Variants in GAP43 observed in about 807,000 individuals in gnomAD.
The protein encoded by GAP43 is neuromodulin.
In GAP43, 6 loss-of-function variants were observed where a neutral mutation model predicts 18.6. The ratio of observed to expected loss-of-function variants is 0.32; its 90% CI spans 0.18 to 0.64. The LOEUF (loss-of-function observed/expected upper bound fraction) is 0.64, where lower values mean the gene tolerates loss of function less well. Ranked by LOEUF, GAP43 falls within the 30% of genes least tolerant of loss-of-function variation. The pLI is 0.78. For missense variants in GAP43, 292 were observed against 295.5 expected (o/e 0.99, Z 0.09); for synonymous variants, 115 against 111.4 (o/e 1.03, Z -0.20).
chr3:115,683,134 TGCGCGC>T lies in GAP43; in HGVS notation c.628+6533_628+6538del, dbSNP rs1221666580. On this transcript the variant is annotated intron_variant, in intron 2 of 2. Transcript: ENST00000305124. ...TTCTCTACATACATGTGCGCGCGCGTGCGCGCGCGCGCGCACACACACACACACACA... is the reference window on the plus strand; with the variant it reads ...TTCTCTACATACATGTGCGCGCGCGTGCGCGCGCACACACACACACACACA... Among the ~76,000 whole-genome samples, 43 of 105,614 alleles carry T rather than the reference TGCGCGC, an allele frequency of 4.1e-4. 1 individual carries two copies. The highest frequency in any genetic ancestry group is 9.1e-4 in the South Asian group (3 of 3,280). 69.3% of individuals were successfully genotyped at this position (105,614 alleles called of 152,430 possible).
At chr3:115,636,498 G>T (rs1231546548) in intron 1 of GAP43, among the ~76,000 whole-genome samples, 1 of 151,930 alleles carries the variant, frequency 6.6e-6, no homozygotes, top group Non-Finnish European at 1.5e-5. Context: ...CCTCTCTTGT[G>T]CATCTAGATG....
At chr3:115,664,015 C>G in intron 1 of GAP43, 1 of 1,101,318 alleles carries the variant, frequency 9.1e-7, no homozygotes, top group Non-Finnish European at 1.3e-6. Context: ...TACTTAATTA[C>G]TTAACTAATG....
intron 1 of GAP43, among the ~76,000 whole-genome samples, chr3:115,670,345 C>T (rs1300187517): frequency 6.6e-6 from 1 of 151,348 alleles, no homozygotes; most frequent in Non-Finnish European, 1.5e-5. Flanking sequence ...TTTATGGCTG[C>T]ATAGTATTCC....
At chr3:115,663,142 G>A (rs1417211950) in intron 1 of GAP43, among the ~76,000 whole-genome samples, 1 of 152,092 alleles carries the variant, frequency 6.6e-6, no homozygotes, top group Non-Finnish European at 1.5e-5. Context: ...TAAATAATAT[G>A]ATACTTTCTG....
At chr3:115,693,487 A>AATTATT (rs142558403) in intron 2 of GAP43, among the ~76,000 whole-genome samples, 1 of 144,500 alleles carries the variant, frequency 6.9e-6, no homozygotes, top group East Asian at 1.9e-4. Context: ...AATCCTGTTA[A>AATTATT]ATTATTATTA....
intron 2 of GAP43, among the ~76,000 whole-genome samples, chr3:115,678,153 A>C (rs1365462659): frequency 6.6e-6 from 1 of 152,230 alleles, no homozygotes; most frequent in Non-Finnish European, 1.5e-5. Context: ...TACTCAGCAA[A>C]GCAAAACTTA....
At chr3:115,667,507 A>T (rs1421118947) in intron 1 of GAP43, among the ~76,000 whole-genome samples, 1 of 152,240 alleles carries the variant, frequency 6.6e-6, no homozygotes, top group Admixed American at 6.5e-5. Context: ...ATTTAAGAAA[A>T]TACTTATCTT....
chr3:115,682,739 G>T (rs1242835270), intron 2 of GAP43, among the ~76,000 whole-genome samples: 1 of 152,128 alleles, frequency 6.6e-6, no homozygotes, highest in African/African-American at 2.4e-5. Context: ...ATTTTACCAT[G>T]TTGGTCAGGC....
intron 1 of GAP43, chr3:115,664,050 G>A: frequency 2.4e-6 from 2 of 831,438 alleles, no homozygotes. Context: ...CTTTTCATCT[G>A]TAAGATAATA....
chr3:115,685,575 T>C (rs1432851084), intron 2 of GAP43, among the ~76,000 whole-genome samples: 2 of 152,114 alleles, frequency 1.3e-5, no homozygotes, highest in Non-Finnish European at 2.9e-5. Context: ...GCTATTCAGA[T>C]TACAGACCAT....
chr3:115,714,873 G>GCACA lies in GAP43; in HGVS notation c.629-5900_629-5897dup, dbSNP rs111292409. Among the ~76,000 whole-genome samples, 506 of 150,478 alleles carry GCACA rather than the reference G, an allele frequency of 3.4e-3. 3 individuals are homozygous for GCACA. Among genetic ancestry groups the GCACA allele is most frequent in the Admixed American group, 8.1e-3 (122 of 15,100 alleles). ...ACTACATAGATACACGTGTGCGCGT[G>GCACA]CACACACACACACACACACACACAT... is the stretch of plus-strand genomic sequence containing the variant. On this transcript the variant is annotated intron_variant, in intron 2 of 2. Coordinates refer to ENST00000305124, the MANE Select transcript of GAP43 (RefSeq NM_002045.4).
Position 115,720,855 on chromosome 3 carries a change from A to G in GAP43, c.690A>G (p.Glu230=), listed in dbSNP as rs776488259. 1 of 1,612,570 alleles carries G rather than the reference A, an allele frequency of 6.2e-7. No individual in the cohort carries two copies. Reference sequence around the variant, plus strand: ...GGCAGGACGAGGGTAAAGAAGAGGAACCTGAGGCTGACCAAGAACATGCCT... The same window carrying G: ...GGCAGGACGAGGGTAAAGAAGAGGAGCCTGAGGCTGACCAAGAACATGCCT... The part of the protein sequence containing the change: ...SARQDEGKEE[E]PEADQEHA Residue 230 remains glutamate, a synonymous_variant, in exon 3 of 3, where the codon GAA becomes GAG. Transcript: ENST00000305124.
chr3:115,701,901 A>G (rs571333460), intron 2 of GAP43, among the ~76,000 whole-genome samples: 6 of 152,262 alleles, frequency 3.9e-5, no homozygotes, highest in Middle Eastern at 3.4e-3. Flanking sequence ...CAATTGTATT[A>G]GTACAGTTCC....
chr3:115,641,332 G>T (rs72961648), intron 1 of GAP43, among the ~76,000 whole-genome samples: 1,511 of 150,986 alleles, frequency 0.01, 30 homozygotes, highest in African/African-American at 0.034. Context: ...TTCTCATATT[G>T]TCTATGTGTG....
chr3:115,699,676 T>A (rs1253990828), intron 2 of GAP43, among the ~76,000 whole-genome samples: 2 of 152,206 alleles, frequency 1.3e-5, no homozygotes, highest in African/African-American at 4.8e-5. Flanking sequence ...CTTGCTGTCT[T>A]GTCATATCAG....
chr3:115,691,352 C>T (rs967577915), intron 2 of GAP43, among the ~76,000 whole-genome samples: 5 of 152,178 alleles, frequency 3.3e-5, no homozygotes, highest in Non-Finnish European at 7.3e-5. Flanking sequence ...ATCTTGGAAT[C>T]GGACCTATCT....
chr3:115,705,341 C>T (rs749064989), intron 2 of GAP43, among the ~76,000 whole-genome samples: 1 of 152,088 alleles, frequency 6.6e-6, no homozygotes, highest in Non-Finnish European at 1.5e-5. Flanking sequence ...ATCATTTAAT[C>T]AAATATCAGA....
intron 2 of GAP43, among the ~76,000 whole-genome samples, chr3:115,688,445 G>A (rs901332514): frequency 1.3e-5 from 2 of 149,986 alleles, no homozygotes; most frequent in South Asian, 4.2e-4. Flanking sequence ...CCTTCTGATG[G>A]GATACTATTT....
chr3:115,677,884 G>T (rs1276053394), intron 2 of GAP43, among the ~76,000 whole-genome samples: 1 of 152,168 alleles, frequency 6.6e-6, no homozygotes. Flanking sequence ...CTACAATATG[G>T]TAGGTGACTA....
Sources: gnomAD v4.1 joint callset for allele counts (sites outside exome capture counted in the v4.1 genomes callset) on GRCh38, gnomAD v4.1.1 for gene constraint, MANE v1.5 for transcripts, NCBI Gene and HGNC (gene_info 2026-07-23, HGNC 2026-07-21) for gene names.